SETDB2: variants seen among roughly 807,000 people sequenced by gnomAD.
The protein encoded by SETDB2 is SET domain bifurcated histone lysine methyltransferase 2.
In SETDB2, 56 loss-of-function variants were observed where a neutral mutation model predicts 82.5. The observed-to-expected ratio is 0.68, with a 90% confidence interval of 0.55 to 0.85. The LOEUF is 0.85. SETDB2 is among the 40% of genes least tolerant of loss of function. SETDB2 has a pLI of 0.00. For synonymous variants in SETDB2, 272 were observed against 284.9 expected (o/e 0.95, Z 0.46); for missense variants, 677 against 816.4 (o/e 0.83, Z 2.08).
intron 5 of SETDB2, among the ~76,000 whole-genome samples, chr13:49,469,292 C>T (rs751113963): frequency 2.0e-5 from 3 of 152,152 alleles, no homozygotes; most frequent in Non-Finnish European, 2.9e-5. Context: ...TCAGAAAGAA[C>T]GCTTTAAGCA....
chr13:49,460,183 G>T lies in SETDB2; in HGVS notation c.93G>T (p.Val31=), dbSNP rs780432666. ...VDFIFEQVQN[V]LQSLKQKIKD... Reference sequence around the variant, plus strand: ...TCATTTTTGAACAAGTACAAAATGTGCTGCAGTCACTGAAACAAAAGATCA... The same window carrying T: ...TCATTTTTGAACAAGTACAAAATGTTCTGCAGTCACTGAAACAAAAGATCA... The change falls in exon 3 of 14, where the codon GTG becomes GTT. Residue 31 remains valine (V), a synonymous_variant. Coordinates refer to ENST00000611815, the MANE Select transcript of SETDB2 (RefSeq NM_001160308.3). 6 of 1,613,334 alleles carry T rather than the reference G, an allele frequency of 3.7e-6. No homozygotes were observed. The highest frequency in any genetic ancestry group is 5.1e-6 in the Non-Finnish European group (6 of 1,179,602).
intron 1 of SETDB2, among the ~76,000 whole-genome samples, chr13:49,447,968 G>C (rs1957724107): frequency 6.6e-6 from 1 of 151,212 alleles, no homozygotes; most frequent in Admixed American, 6.6e-5. Context: ...TGGACCTAGT[G>C]TACTAGCAGT....
chr13:49,463,903 G>T lies in SETDB2; in HGVS notation c.208+2741G>T. 4 of 667,782 alleles carry T rather than the reference G, an allele frequency of 6.0e-6. No individual in the cohort carries two copies. The South Asian group carries it at 6.7e-5, about 11-fold the overall frequency. The allele number at this position is 667,782 out of a possible 1,614,324, so 41.4% of individuals were successfully genotyped here. A position where few individuals can be genotyped will look rare whatever the true frequency, so the allele number is the denominator to read the frequency against. On this transcript the variant is annotated intron_variant, in intron 4 of 13. Transcript: ENST00000611815. ...CTGGCTTCTTAGATAGTATTAACAA[G>T]ACTTTTTCTGGGTCTGGGCTGTGCC...
chr13:49,456,176 C>A (rs977887528), intron 2 of SETDB2, among the ~76,000 whole-genome samples: 1 of 152,102 alleles, frequency 6.6e-6, no homozygotes, highest in Non-Finnish European at 1.5e-5. Context: ...TTCAAAGATA[C>A]CTTAGAGTTC....
chr13:49,481,146 C>T (rs1438268877), intron 8 of SETDB2, 30 bp downstream of exon 8: 2 of 1,596,752 alleles, frequency 1.3e-6, no homozygotes, highest in Non-Finnish European at 1.7e-6. Context: ...TCAAATTATT[C>T]TAGAGTAGAA....
chr13:49,486,667 G>A (rs998224139), intron 11 of SETDB2, among the ~76,000 whole-genome samples: 7 of 152,172 alleles, frequency 4.6e-5, no homozygotes, highest in African/African-American at 1.2e-4. Context: ...CAATACTGCC[G>A]CAGAGCATAC....
rs1015112810 is a variant in SETDB2 at position 49,444,465 on chromosome 13, C to T, written c.-734C>T. The T allele has an allele frequency of 2.9e-5, 5 of 171,420 alleles. No individual in the cohort carries two copies. The highest frequency in any genetic ancestry group is 2.8e-4 in the Admixed American group (5 of 17,920). The allele number at this position is 171,420 out of a possible 1,614,324, so 10.6% of individuals were successfully genotyped here. On this transcript the variant is annotated 5_prime_UTR_variant, in exon 1 of 14. Transcript: ENST00000611815. ...TTGCCAACGGAGCTGGCGGAGCTCA[C>T]TCCTCAGGTCAGGCGGGCGGCGTAG...
At position 49,468,582 on chromosome 13, in the gene SETDB2, A is replaced by G. The variant is rs545333975; in HGVS notation, c.305+622A>G. On this transcript the variant is annotated intron_variant, in intron 5 of 13. Transcript: ENST00000611815. ...TAGAGTAGAGAACATAGTTTCAAAA[A>G]ACAAAGAAGTATCTTTAGAAAGAAA... is the stretch of plus-strand genomic sequence containing the variant. Among the ~76,000 whole-genome samples, 5 of 125,874 alleles carry G rather than the reference A, an allele frequency of 4.0e-5. No individual in the cohort carries two copies. The East Asian group carries it at 1.1e-3, about 28-fold the overall frequency. 82.6% of individuals were successfully genotyped at this position (125,874 alleles called of 152,430 possible). A position where few individuals can be genotyped will look rare whatever the true frequency, so the allele number is the denominator to read the frequency against.
At chr13:49,486,742 A>G (rs1358084114) in intron 11 of SETDB2, among the ~76,000 whole-genome samples, 1 of 152,250 alleles carries the variant, frequency 6.6e-6, no homozygotes, top group Admixed American at 6.5e-5. Flanking sequence ...CAGAGTTACT[A>G]GTCCTTGCCA....
chr13:49,456,036 T>C (rs1957875762), intron 2 of SETDB2, among the ~76,000 whole-genome samples: 1 of 152,180 alleles, frequency 6.6e-6, no homozygotes, highest in South Asian at 2.1e-4. Context: ...GCCTTTGTAC[T>C]ATCAGTTGTC....
chr13:49,455,012 T>C (rs1362697137), intron 2 of SETDB2, among the ~76,000 whole-genome samples: 1 of 152,214 alleles, frequency 6.6e-6, no homozygotes, highest in Non-Finnish European at 1.5e-5. Context: ...AATTGGCTTA[T>C]TTTTAAGAAA....
At position 49,476,473 on chromosome 13, in the gene SETDB2, C is replaced by T. The variant is rs1958365253; in HGVS notation, c.306-3C>T. 6.5e-6 allele frequency: 10 copies of T among 1,529,482 alleles called. No individual in the cohort carries two copies. The highest frequency in any genetic ancestry group is 8.8e-6 in the Non-Finnish European group (10 of 1,130,908). The allele number at this position is 1,529,482 out of a possible 1,614,324, so 94.7% of individuals were successfully genotyped here. A position where few individuals can be genotyped will look rare whatever the true frequency, so the allele number is the denominator to read the frequency against. On this transcript the variant is annotated splice_polypyrimidine_tract_variant and splice_region_variant and intron_variant, in intron 5 of 13. Coordinates refer to ENST00000611815, the MANE Select transcript of SETDB2 (RefSeq NM_001160308.3). The stretch of plus-strand genomic sequence containing the variant: ...GATACTAATGAATAATTTATTTTAA[C>T]AGAACAACAGAAAATAAGGAAATTC...
At chr13:49,446,075 T>C (rs1475293660) in intron 1 of SETDB2, 1 of 257,046 alleles carries the variant, frequency 3.9e-6, no homozygotes, top group African/African-American at 2.4e-5. Context: ...AAAATAAAAC[T>C]ATTACTGAGT....
chr13:49,451,362 T>C (rs1957782316), intron 1 of SETDB2, among the ~76,000 whole-genome samples, 191 bp from the exon 2 acceptor site: 1 of 150,552 alleles, frequency 6.6e-6, no homozygotes, highest in Non-Finnish European at 1.5e-5. Flanking sequence ...TTCTCTATTA[T>C]TTCTAATTTT....
intron 2 of SETDB2, among the ~76,000 whole-genome samples, chr13:49,457,720 A>G (rs986313021): frequency 2.6e-5 from 4 of 152,114 alleles, no homozygotes; most frequent in Non-Finnish European, 5.9e-5. Flanking sequence ...CACCACACCT[A>G]GCCTCTAAAA....
At chr13:49,445,755 C>T (rs1957665000) in intron 1 of SETDB2, 1 of 150,894 alleles carries the variant, frequency 6.6e-6, no homozygotes, top group African/African-American at 2.5e-5. Flanking sequence ...GTGGTGAAAC[C>T]CCGTCTCCAC....
chr13:49,454,575 C>T (rs1957845678), intron 2 of SETDB2, among the ~76,000 whole-genome samples: 1 of 152,176 alleles, frequency 6.6e-6, no homozygotes. Context: ...TTCCACCCAG[C>T]CCTTGGTGAA....
intron 10 of SETDB2, among the ~76,000 whole-genome samples, chr13:49,485,124 G>GTTGC (rs1190786729): frequency 6.6e-6 from 1 of 152,176 alleles, no homozygotes; most frequent in Non-Finnish European, 1.5e-5. Flanking sequence ...TACTTAGTTG[G>GTTGC]TTGCCAAGCA....
At chr13:49,487,266 C>T (rs1241264588) in intron 11 of SETDB2, among the ~76,000 whole-genome samples, 1 of 152,086 alleles carries the variant, frequency 6.6e-6, no homozygotes, top group Non-Finnish European at 1.5e-5. Flanking sequence ...ATTAGGTGGT[C>T]CAAATAGCTT....
Sources: gnomAD v4.1 joint callset for allele counts (sites outside exome capture counted in the v4.1 genomes callset) on GRCh38, gnomAD v4.1.1 for gene constraint, MANE v1.5 for transcripts, NCBI Gene and HGNC (gene_info 2026-07-23, HGNC 2026-07-21) for gene names.